The following GLDC variants were observed in gnomAD, a reference collection of about 807,000 sequenced individuals.
GLDC encodes the protein glycine dehydrogenase (decarboxylating), mitochondrial.
A neutral mutation model predicts 121.3 loss-of-function variants in GLDC; 104 were observed. That is an observed-to-expected ratio of 0.86 (90% CI 0.73 to 1.01). The LOEUF is 1.01. Among genes scored for constraint, GLDC ranks in the 50% least tolerant of loss-of-function variants. The pLI is 0.00. For missense variants in GLDC, 1,429 were observed against 1,306.6 expected, an observed-to-expected ratio of 1.09 and a Z score of -1.44; for synonymous variants, 546 against 480.6, an observed-to-expected ratio of 1.14 and a Z score of -1.78.
intron 15 of GLDC, among the ~76,000 whole-genome samples, chr9:6,573,531 G>A (rs1289724085): frequency 1.4e-5 from 2 of 147,638 alleles, no homozygotes; most frequent in Non-Finnish European, 3.0e-5. Flanking sequence ...GTGCAGAAGG[G>A]TTATAAAGCA....
chr9:6,587,456 T>C (rs1466836325), intron 14 of GLDC, among the ~76,000 whole-genome samples, 173 bp from the exon 15 acceptor site: 1 of 152,200 alleles, frequency 6.6e-6, no homozygotes, highest in Non-Finnish European at 1.5e-5. Flanking sequence ...TAAGTACCGT[T>C]ACTGTCTTCA....
intron 2 of GLDC, chr9:6,623,004 C>A (rs1467954606): frequency 9.0e-6 from 1 of 111,156 alleles, no homozygotes; most frequent in Non-Finnish European, 1.6e-5. Flanking sequence ...GGGGGGTCAG[C>A]CCCTGCCCGG....
At chr9:6,599,733 A>AC (rs938791164) in intron 8 of GLDC, among the ~76,000 whole-genome samples, 7 of 151,322 alleles carry the variant, frequency 4.6e-5, no homozygotes, top group Middle Eastern at 6.8e-3. Context: ...AAAAAAAAAA[A>AC]ACAACCAAAA....
chr9:6,588,771 T>C (rs1563849538), intron 12 of GLDC, 69 bp from the exon 13 acceptor site: 3 of 909,682 alleles, frequency 3.3e-6, no homozygotes, highest in East Asian at 4.8e-5. Flanking sequence ...CCTCCTGACA[T>C]ATAAGACACA....
chr9:6,567,830 A>G (rs1252790321), intron 15 of GLDC, among the ~76,000 whole-genome samples: 1 of 152,246 alleles, frequency 6.6e-6, no homozygotes, highest in Admixed American at 6.5e-5. Flanking sequence ...CAATTAGAGC[A>G]TAAGCTCTGA....
chr9:6,566,319 C>T (rs546687579), intron 15 of GLDC: 38 of 151,786 alleles, frequency 2.5e-4, no homozygotes, highest in African/African-American at 8.7e-4. Flanking sequence ...TTTTTTTTCC[C>T]TTTTCTTTCC....
chr9:6,559,344 G>A (rs1270183331), intron 16 of GLDC, among the ~76,000 whole-genome samples: 5 of 151,590 alleles, frequency 3.3e-5, no homozygotes, highest in South Asian at 2.1e-4. Flanking sequence ...GTGAAACCCC[G>A]TCTCTAGTAA....
intron 15 of GLDC, among the ~76,000 whole-genome samples, chr9:6,571,172 T>A (rs10815445): frequency 0.52 from 77,159 of 149,026 alleles, 20,224 homozygotes; most frequent in African/African-American, 0.57. Flanking sequence ...CTACTTTTTT[T>A]AAAAAAAAAA....
rs764004792 is a variant in GLDC, at chr9:6,602,131, G to A, written c.1133C>T (p.Thr378Ile). The A allele has an allele frequency of 3.1e-6, 5 of 1,611,046 alleles. No homozygotes were observed. The East Asian group carries it at 1.1e-4, about 36-fold the overall frequency. Residue 378 changes from threonine (T) to isoleucine (I), a missense_variant, in exon 8 of 25, where the codon ACC becomes ATC. Physicochemically the swap from Thr to Ile is moderately conservative, Grantham distance 89 (BLOSUM62 -1). Coordinates refer to ENST00000321612, the MANE Select transcript of GLDC (RefSeq NM_000170.3). ...TACCTGAGCTGTACAGATGTTGCTG[G>A]TAGCCTTGTCTCTCCGAATGTGTTG... ...REQHIRRDKA[T>I]SNICTAQALL...
intron 16 of GLDC, among the ~76,000 whole-genome samples, chr9:6,559,809 C>T (rs143200070): frequency 0.025 from 3,837 of 151,390 alleles, 61 homozygotes; most frequent in Non-Finnish European, 0.035. Flanking sequence ...AGCAAGACTC[C>T]GTCTCAAAAA....
chr9:6,616,123 A>G (rs893966027), intron 3 of GLDC, among the ~76,000 whole-genome samples: 3 of 152,220 alleles, frequency 2.0e-5, no homozygotes, highest in African/African-American at 7.2e-5. Flanking sequence ...TCAATGACCC[A>G]TTGGCTCTTG....
At chr9:6,635,241 C>G (rs1455804269) in intron 2 of GLDC, among the ~76,000 whole-genome samples, 1 of 152,212 alleles carries the variant, frequency 6.6e-6, no homozygotes, top group South Asian at 2.1e-4. Context: ...GAAGCAGTAT[C>G]TTATCTTCTA....
At chr9:6,574,445 C>A (rs535646267) in intron 15 of GLDC, among the ~76,000 whole-genome samples, 1 of 146,098 alleles carries the variant, frequency 6.8e-6, no homozygotes, top group African/African-American at 2.6e-5. Flanking sequence ...CCAGCCTGGG[C>A]GACACAGCAA....
At chr9:6,542,112 T>A (rs77979581) in intron 21 of GLDC, 36,582 of 152,062 alleles carry the variant, frequency 0.24, 4,964 homozygotes, top group Admixed American at 0.3. Context: ...TGGTGGCGCA[T>A]GCCTGTAGTC....
chr9:6,588,800 A>C, intron 12 of GLDC, 98 bp from the exon 13 acceptor site: 2 of 803,034 alleles, frequency 2.5e-6, no homozygotes, highest in Non-Finnish European at 4.4e-6. Flanking sequence ...TACTTTCAAA[A>C]TGCAGATCAA....
chr9:6,626,881 G>C (rs1819253574), intron 2 of GLDC, among the ~76,000 whole-genome samples: 1 of 152,142 alleles, frequency 6.6e-6, no homozygotes, highest in Non-Finnish European at 1.5e-5. Context: ...TGCCACATTA[G>C]ACCAGCCAGG....
intron 3 of GLDC, among the ~76,000 whole-genome samples, chr9:6,619,502 C>T (rs936492699): frequency 1.8e-4 from 28 of 151,918 alleles, no homozygotes; most frequent in African/African-American, 6.3e-4. Context: ...CTGAAGCGGG[C>T]GGATCACCTG....
At chr9:6,628,249 G>C (rs1221221961) in intron 2 of GLDC, among the ~76,000 whole-genome samples, 1 of 152,296 alleles carries the variant, frequency 6.6e-6, no homozygotes, top group South Asian at 2.1e-4. Context: ...CTCCTGAGTA[G>C]TAAAAGAAGC....
At chr9:6,604,196 G>A (rs1818683771) in intron 7 of GLDC, among the ~76,000 whole-genome samples, 1 of 152,112 alleles carries the variant, frequency 6.6e-6, no homozygotes, top group Non-Finnish European at 1.5e-5. Context: ...AAGGAACGCG[G>A]AGCAAACTCA....
Sources: allele counts gnomAD v4.1 joint callset (sites outside exome capture counted in the v4.1 genomes callset), GRCh38; gene constraint gnomAD v4.1.1; transcripts MANE v1.5; gene names NCBI Gene and HGNC (gene_info 2026-07-23, HGNC 2026-07-21).